PPFIA2: variants seen among roughly 807,000 people sequenced by gnomAD.
PPFIA2 encodes PPFI scaffold protein A2, also known as liprin-alpha-2.
PPFIA2 carries 46 observed loss-of-function variants against 175.5 expected under a neutral mutation model. That is an observed-to-expected ratio of 0.26 (90% CI 0.21 to 0.34). PPFIA2 has a LOEUF of 0.34. Among genes scored for constraint, PPFIA2 ranks in the 10% least tolerant of loss-of-function variants. The pLI is 1.00. For synonymous variants in PPFIA2, 568 were observed against 511.4 expected (o/e 1.11, Z -1.49); for missense variants, 1,179 against 1,506.1 (o/e 0.78, Z 3.60).
In PPFIA2 at chr12:81,275,086, T is replaced by C. The variant is rs369944193; in HGVS notation, c.3310+2231A>G. ...AAACTACAAAGTGGTATCCCATGGG[T>C]AAAATCTACCTGTGTGCTAAGACAT... is the stretch of plus-strand genomic sequence containing the variant. On this transcript the variant is annotated intron_variant, in intron 28 of 32. Transcript: ENST00000549396. 1.6e-4 allele frequency among the ~76,000 whole-genome samples: 25 copies of C among 152,324 alleles called. No homozygotes were observed. The East Asian group carries it at 2.7e-3, about 16-fold the overall frequency.
At chr12:81,625,668 T>A (rs1006317938) in intron 4 of PPFIA2, among the ~76,000 whole-genome samples, 5 of 151,680 alleles carry the variant, frequency 3.3e-5, no homozygotes, top group African/African-American at 1.2e-4. Context: ...CCATTATATT[T>A]GGACATCTAA....
At chr12:81,344,574 C>T (rs955572334) in intron 19 of PPFIA2, 90 bp downstream of exon 19, 3 of 915,452 alleles carry the variant, frequency 3.3e-6, no homozygotes, top group Admixed American at 5.7e-5. Context: ...AATGTTTTAT[C>T]AACATTCGAC....
At chr12:81,679,137 C>A (rs1440080210) in intron 3 of PPFIA2, among the ~76,000 whole-genome samples, 1 of 151,698 alleles carries the variant, frequency 6.6e-6, no homozygotes, top group Non-Finnish European at 1.5e-5. Flanking sequence ...GAATGAACAA[C>A]ATTAGGTAGT....
chr12:81,642,657 T>TATATATTATATA lies in PPFIA2; in HGVS notation c.303+34133_303+34134insTATATAATATAT, dbSNP rs1491417980. On this transcript the variant is annotated intron_variant, in intron 4 of 32. Coordinates refer to ENST00000549396, the MANE Select transcript of PPFIA2 (RefSeq NM_003625.5). ...TCTATTATATACATACATGTATGTA[T>TATATATTATATA]CTATTATATACATACATGTATGTAT... 1.7e-5 allele frequency among the ~76,000 whole-genome samples: 2 copies of TATATATTATATA among 114,370 alleles called. 1 individual carries two copies. Among genetic ancestry groups the TATATATTATATA allele is most frequent in the Non-Finnish European group, 3.7e-5 (2 of 54,292 alleles). The allele number at this position is 114,370 out of a possible 152,430, so 75.0% of individuals were successfully genotyped here. A position where few individuals can be genotyped will look rare whatever the true frequency, so the allele number is the denominator to read the frequency against.
intron 4 of PPFIA2, among the ~76,000 whole-genome samples, chr12:81,636,950 A>C (rs987931321): frequency 2.0e-5 from 3 of 152,106 alleles, no homozygotes; most frequent in African/African-American, 7.2e-5. Flanking sequence ...AAGACACTTC[A>C]AAATTGTCAA....
chr12:81,621,779 A>G (rs1474409443), intron 4 of PPFIA2, among the ~76,000 whole-genome samples: 1 of 152,196 alleles, frequency 6.6e-6, no homozygotes, highest in African/African-American at 2.4e-5. Context: ...TTTGGAGGGA[A>G]GATCCAGAAC....
At chr12:81,431,897 A>G (rs536667639) in intron 7 of PPFIA2, among the ~76,000 whole-genome samples, 5 of 151,918 alleles carry the variant, frequency 3.3e-5, no homozygotes, top group African/African-American at 9.7e-5. Context: ...CTCCTCCCCA[A>G]TCCTACCTCT....
At chr12:81,567,697 T>G (rs1032704470) in intron 4 of PPFIA2, among the ~76,000 whole-genome samples, 1 of 152,194 alleles carries the variant, frequency 6.6e-6, no homozygotes, top group Non-Finnish European at 1.5e-5. Flanking sequence ...GTGTGATACA[T>G]CCTGATAACA....
chr12:81,615,687 G>GA (rs913391841), intron 4 of PPFIA2, among the ~76,000 whole-genome samples: 4 of 151,968 alleles, frequency 2.6e-5, no homozygotes, highest in Non-Finnish European at 4.4e-5. Context: ...GGAGGGTTAA[G>GA]AAAAAAAGCC....
rs1452753556 is a variant in PPFIA2 at position 81,358,193 on chromosome 12, C to G, written c.1662G>C (p.Glu554Asp). ...IPRTHLDTSA[E>D]LRYSVGSLVD... is the part of the protein sequence containing the mutation. Reference sequence around the variant, plus strand: ...CTAGGGATCCCACTGAGTACCGCAACTCAGCTGAGGTGTCTAGATGAGTTC... The same window carrying G: ...CTAGGGATCCCACTGAGTACCGCAAGTCAGCTGAGGTGTCTAGATGAGTTC... The change falls in exon 16 of 33, where the codon GAG becomes GAC. Residue 554 changes from glutamate to aspartate, a missense_variant. This residue lies in a region of PPFIA2 where 186 missense variants were observed against 163.6 expected (regional missense o/e 1.14). Coordinates refer to ENST00000549396, the MANE Select transcript of PPFIA2 (RefSeq NM_003625.5). The G allele has an allele frequency of 6.3e-7, 1 of 1,591,688 alleles. No individual in the cohort carries two copies. The highest frequency in any genetic ancestry group is 1.7e-5 in the Admixed American group (1 of 57,260).
intron 4 of PPFIA2, among the ~76,000 whole-genome samples, chr12:81,636,650 GTTTGT>G (rs1326301851): frequency 6.6e-6 from 1 of 151,622 alleles, no homozygotes; most frequent in African/African-American, 2.4e-5. Flanking sequence ...TGAAATTTTG[GTTTGT>G]TTTGTTTTTT....
intron 3 of PPFIA2, among the ~76,000 whole-genome samples, chr12:81,744,359 T>C (rs960946832): frequency 6.6e-6 from 1 of 151,794 alleles, no homozygotes; most frequent in African/African-American, 2.4e-5. Flanking sequence ...ATTTCATTAA[T>C]AATAATTTGT....
At chr12:81,387,726 A>G (rs930364253) in intron 8 of PPFIA2, among the ~76,000 whole-genome samples, 3 of 152,148 alleles carry the variant, frequency 2.0e-5, no homozygotes, top group Non-Finnish European at 4.4e-5. Flanking sequence ...ATCAGTTATC[A>G]TACCTCAGTT....
In PPFIA2 at chr12:81,358,133, T is replaced by G. The variant is rs1382147461; in HGVS notation, c.1722A>C (p.Val574=). The change falls in exon 16 of 33, where the codon GTA becomes GTC. Residue 574 remains valine (V), a synonymous_variant. Coordinates refer to ENST00000549396, the MANE Select transcript of PPFIA2 (RefSeq NM_003625.5). ...DSQSDYRTTK[V]IRRPRRGRMG... is the part of the protein sequence containing the mutation. ...TGCGGCCTCTCCTTGGTCTTCTTATTACTTTAGTTGTTCTGTAATCAGACT... is the reference window on the plus strand; with the variant it reads ...TGCGGCCTCTCCTTGGTCTTCTTATGACTTTAGTTGTTCTGTAATCAGACT... 1.2e-6 allele frequency: 2 copies of G among 1,602,744 alleles called. No individual in the cohort carries two copies. The highest frequency in any genetic ancestry group is 1.7e-5 in the Admixed American group (1 of 58,966).
intron 23 of PPFIA2, among the ~76,000 whole-genome samples, chr12:81,298,959 T>C (rs981483724): frequency 5.3e-5 from 8 of 152,082 alleles, no homozygotes; most frequent in African/African-American, 1.9e-4. Flanking sequence ...ATGGAGAGGG[T>C]CTTCTCTGTA....
In PPFIA2 at chr12:81,341,060, GTGCCTGCAGAGTCTTACCTTCGAGCA is replaced by G; in HGVS notation, c.2385_2393+17del. ...GGAAGGAGGGCATTCAGTGTGCAGT[GTGCCTGCAGAGTCTTACCTTCGAGCA>G]TCATTGTGGTAGGAAGAAGGGAGAG... is the stretch of plus-strand genomic sequence containing the variant. On this transcript the variant is annotated splice_donor_variant and splice_donor_5th_base_variant and coding_sequence_variant and intron_variant, in exon 20 of 33. Transcript: ENST00000549396. LOFTEE classifies it high-confidence loss of function. 1 of 1,600,580 alleles carries G rather than the reference GTGCCTGCAGAGTCTTACCTTCGAGCA, an allele frequency of 6.2e-7. No homozygotes were observed. The highest frequency in any genetic ancestry group is 8.6e-7 in the Non-Finnish European group (1 of 1,169,424).
intron 4 of PPFIA2, among the ~76,000 whole-genome samples, chr12:81,461,127 C>T (rs1388307195): frequency 6.6e-6 from 1 of 152,090 alleles, no homozygotes; most frequent in Non-Finnish European, 1.5e-5. Context: ...CCTTTCATAA[C>T]TAATTAGCTT....
chr12:81,481,043 T>G (rs1366932613), intron 4 of PPFIA2, among the ~76,000 whole-genome samples: 1 of 152,058 alleles, frequency 6.6e-6, no homozygotes, highest in Non-Finnish European at 1.5e-5. Context: ...TTCAACAAAG[T>G]CTCAGGATAC....
At chr12:81,586,204 T>G (rs1353287520) in intron 4 of PPFIA2, among the ~76,000 whole-genome samples, 2 of 152,000 alleles carry the variant, frequency 1.3e-5, no homozygotes, top group Admixed American at 1.3e-4. Flanking sequence ...GTGTCTTTTC[T>G]TCACCAAAAT....
Sources: gnomAD v4.1 joint callset for allele counts (sites outside exome capture counted in the v4.1 genomes callset) on GRCh38, gnomAD v4.1.1 for gene constraint, gnomAD v4.1.1 regional missense constraint, MANE v1.5 for transcripts, NCBI Gene and HGNC (gene_info 2026-07-23, HGNC 2026-07-21) for gene names.